PRR16: variants seen among roughly 807,000 people sequenced by gnomAD.
PRR16 encodes protein Largen.
In PRR16, 6 loss-of-function variants were observed where a neutral mutation model predicts 18.2. The observed-to-expected ratio is 0.33, with a 90% CI of 0.18 to 0.65. The LOEUF (loss-of-function observed/expected upper bound fraction) is 0.65. Among genes scored for constraint, PRR16 ranks in the 30% least tolerant of loss-of-function variants. The pLI is 0.74. For synonymous variants in PRR16, 151 were observed against 147.8 expected (o/e 1.02, Z -0.16); for missense variants, 412 against 376.6 (o/e 1.09, Z -0.78).
At chr5:120,710,870 AGTCTAAAATGG>A in the PRR16 span, 3 of 152,128 alleles carry the variant, frequency 2.0e-5, no homozygotes, top group African/African-American at 7.2e-5. Context: ...TATACGCAGA[AGTCTAAAATGG>A]GTTTCACTGG....
At chr5:120,529,286 A>C (rs965516321) in intron 1 of PRR16, among the ~76,000 whole-genome samples, 2 of 152,186 alleles carry the variant, frequency 1.3e-5, no homozygotes, top group Admixed American at 1.3e-4. Context: ...TATGATCACT[A>C]CTAGCGAAGA....
At chr5:120,609,751 T>A (rs1332097678) in intron 1 of PRR16, among the ~76,000 whole-genome samples, 1 of 152,210 alleles carries the variant, frequency 6.6e-6, no homozygotes, top group Non-Finnish European at 1.5e-5. Flanking sequence ...ACATGTCATT[T>A]TTACTGTCTG....
the PRR16 span, among the ~76,000 whole-genome samples, chr5:120,791,775 A>G: frequency 1.3e-5 from 2 of 152,124 alleles, no homozygotes; most frequent in South Asian, 4.1e-4. Flanking sequence ...AATTAAAAGA[A>G]TAGGTCATTA....
the PRR16 span, among the ~76,000 whole-genome samples, chr5:120,757,693 T>C: frequency 1.3e-5 from 2 of 152,088 alleles, no homozygotes; most frequent in African/African-American, 4.8e-5. Flanking sequence ...AATAATAAAG[T>C]AATAATTATA....
At chr5:120,487,305 C>G (rs138717162) in intron 1 of PRR16, among the ~76,000 whole-genome samples, 275 of 152,070 alleles carry the variant, frequency 1.8e-3, no homozygotes, top group African/African-American at 6.4e-3. Context: ...CATTTGTTTG[C>G]ATCCTGTTTT....
chr5:120,602,499 A>T (rs911203016), intron 1 of PRR16, among the ~76,000 whole-genome samples: 6 of 152,058 alleles, frequency 3.9e-5, no homozygotes, highest in Non-Finnish European at 8.8e-5. Context: ...ATAGAATTAT[A>T]TCATTAGCAA....
At chr5:120,736,044 A>G in the PRR16 span, among the ~76,000 whole-genome samples, 2 of 152,142 alleles carry the variant, frequency 1.3e-5, no homozygotes, top group African/African-American at 4.8e-5. Flanking sequence ...TGGATACTCA[A>G]TTTTCTCAGG....
At chr5:120,636,664 T>C (rs1216883510) in intron 1 of PRR16, among the ~76,000 whole-genome samples, 3 of 152,062 alleles carry the variant, frequency 2.0e-5, no homozygotes, top group Admixed American at 1.3e-4. Flanking sequence ...GTCTAAGACC[T>C]GAAACATAAA....
At chr5:120,614,308 T>G (rs2112810249) in intron 1 of PRR16, among the ~76,000 whole-genome samples, 1 of 152,290 alleles carries the variant, frequency 6.6e-6, no homozygotes, top group Non-Finnish European at 1.5e-5. Context: ...AATAAGCAAA[T>G]GCTTACGGTG....
At chr5:120,705,097 C>G in the PRR16 span, among the ~76,000 whole-genome samples, 1 of 151,512 alleles carries the variant, frequency 6.6e-6, no homozygotes, top group African/African-American at 2.4e-5. Flanking sequence ...AAGGAGAGTA[C>G]ATTTCAACAA....
chr5:120,701,608 G>A, the PRR16 span, among the ~76,000 whole-genome samples: 1 of 151,908 alleles, frequency 6.6e-6, no homozygotes, highest in Admixed American at 6.6e-5. Context: ...AGCAGAGGCT[G>A]AGGAAGAATT....
the PRR16 span, among the ~76,000 whole-genome samples, chr5:120,749,209 TATG>T: frequency 3.9e-5 from 6 of 152,186 alleles, no homozygotes; most frequent in South Asian, 2.1e-4. Context: ...TTGAAAATTT[TATG>T]ATATATTTTA....
chr5:120,788,194 C>G, the PRR16 span, among the ~76,000 whole-genome samples: 1 of 151,878 alleles, frequency 6.6e-6, no homozygotes, highest in Non-Finnish European at 1.5e-5. Context: ...TTTTAACTTT[C>G]AGATACTAAT....
chr5:120,486,798 T>C (rs1348514008), intron 1 of PRR16, among the ~76,000 whole-genome samples: 1 of 152,222 alleles, frequency 6.6e-6, no homozygotes, highest in African/African-American at 2.4e-5. Context: ...TGTAAGTCTT[T>C]AATCCATCTC....
At chr5:120,476,170 G>A (rs1365636087) in intron 1 of PRR16, among the ~76,000 whole-genome samples, 1 of 151,870 alleles carries the variant, frequency 6.6e-6, no homozygotes, top group Non-Finnish European at 1.5e-5. Flanking sequence ...GCTTTCTTTG[G>A]GCCAGTCCCC....
At chr5:120,631,408 T>C (rs987772261) in intron 1 of PRR16, among the ~76,000 whole-genome samples, 1 of 152,090 alleles carries the variant, frequency 6.6e-6, no homozygotes, top group African/African-American at 2.4e-5. Flanking sequence ...ATCGGCTTGC[T>C]TTCTGGACAG....
At chr5:120,598,626 A>G (rs964950930) in intron 1 of PRR16, among the ~76,000 whole-genome samples, 1 of 151,682 alleles carries the variant, frequency 6.6e-6, no homozygotes, top group Non-Finnish European at 1.5e-5. Context: ...TCCCATTTTT[A>G]TGTCCATGTG....
chr5:120,596,799 G>T (rs1338116180), intron 1 of PRR16, among the ~76,000 whole-genome samples: 1 of 150,782 alleles, frequency 6.6e-6, no homozygotes, highest in Non-Finnish European at 1.5e-5. Context: ...GTATGTATAA[G>T]TCCAAATAAA....
At chr5:120,769,008 C>T in the PRR16 span, among the ~76,000 whole-genome samples, 3 of 151,748 alleles carry the variant, frequency 2.0e-5, no homozygotes, top group East Asian at 3.9e-4. Context: ...GCCACCCATC[C>T]GCCAACATGT....
Sources: gnomAD v4.1 joint callset for allele counts (sites outside exome capture counted in the v4.1 genomes callset) on GRCh38, gnomAD v4.1.1 for gene constraint, MANE v1.5 for transcripts, NCBI Gene and HGNC (gene_info 2026-07-23, HGNC 2026-07-21) for gene names.